The following KIAA2012 variants were observed in gnomAD, a reference collection of about 807,000 sequenced individuals.
KIAA2012 encodes the protein KIAA2012.
KIAA2012 carries 125 observed loss-of-function variants against 150.6 expected under a neutral mutation model. The observed-to-expected ratio is 0.83, with a 90% CI of 0.72 to 0.96. The LOEUF is 0.96. Ranked by LOEUF, KIAA2012 falls within the 40% of genes least tolerant of loss-of-function variation. KIAA2012 has a pLI of 0.00. For synonymous variants in KIAA2012, 462 were observed against 504.7 expected, an observed-to-expected ratio of 0.92 and a Z score of 1.13; for missense variants, 1,219 against 1,354.9, an observed-to-expected ratio of 0.90 and a Z score of 1.57.
At chr2:202,199,907 C>T (rs1692482267) in intron 22 of KIAA2012, among the ~76,000 whole-genome samples, 1 of 148,454 alleles carries the variant, frequency 6.7e-6, no homozygotes, top group Non-Finnish European at 1.5e-5. Context: ...CATCTTCCTC[C>T]TTGCCCCTCA....
Position 202,074,948 on chromosome 2 carries a change from A to G in KIAA2012, c.142A>G (p.Lys48Glu), listed in dbSNP as rs1188225567. 6.4e-7 allele frequency: 1 copy of G among 1,551,064 alleles called. No homozygotes were observed. The highest frequency in any genetic ancestry group is 8.7e-7 in the Non-Finnish European group (1 of 1,147,112). ...DYVPVSKPQDKNNASQHSWSL... is the reference protein window; with the variant it reads ...DYVPVSKPQDENNASQHSWSL... ...TGTTCCTGTCAGCAAACCTCAAGAT[A>G]AGAACAATGCCAGTCAGCACTCCTG... The change falls in exon 2 of 24, where the codon AAG becomes GAG. Residue 48 changes from lysine (K) to glutamate (E), a missense_variant. By Grantham distance (56) the Lys-to-Glu change is moderately conservative. Transcript: ENST00000498697.
intron 10 of KIAA2012, among the ~76,000 whole-genome samples, chr2:202,110,931 T>C (rs969578087): frequency 3.3e-5 from 5 of 152,188 alleles, no homozygotes; most frequent in African/African-American, 1.2e-4. Flanking sequence ...TTAAATCCCT[T>C]CCTTCCCCGC....
chr2:202,169,609 T>C (rs867649277), intron 15 of KIAA2012, among the ~76,000 whole-genome samples: 3 of 152,182 alleles, frequency 2.0e-5, no homozygotes, highest in East Asian at 1.9e-4. Flanking sequence ...CGTTTCATCA[T>C]AGTGCAGTCT....
chr2:202,203,492 G>T (rs1008435235), intron 23 of KIAA2012, among the ~76,000 whole-genome samples: 1 of 152,126 alleles, frequency 6.6e-6, no homozygotes, highest in Non-Finnish European at 1.5e-5. Context: ...GCACTGCTGA[G>T]TACACAGCAC....
At chr2:202,151,295 A>T (rs569342579) in intron 13 of KIAA2012, among the ~76,000 whole-genome samples, 12 of 152,242 alleles carry the variant, frequency 7.9e-5, no homozygotes, top group African/African-American at 2.9e-4. Flanking sequence ...TACTCGGTAG[A>T]CTAAAGGAGG....
chr2:202,076,890 C>A (rs1460476222), intron 2 of KIAA2012: 1 of 447,160 alleles, frequency 2.2e-6, no homozygotes, highest in Non-Finnish European at 4.5e-6. Context: ...TGACCACAGG[C>A]TATATACAAT....
intron 10 of KIAA2012, among the ~76,000 whole-genome samples, chr2:202,111,609 C>A (rs1690358871): frequency 1.3e-5 from 2 of 149,968 alleles, no homozygotes; most frequent in African/African-American, 4.9e-5. Flanking sequence ...TGGGTGTGTG[C>A]ATGTGTGTAA....
chr2:202,148,800 G>A lies in KIAA2012; in HGVS notation c.1909-5873G>A, dbSNP rs1691357206. Among the ~76,000 whole-genome samples the A allele has an allele frequency of 2.0e-5, 3 of 152,182 alleles. No homozygotes were observed. In the South Asian group the frequency reaches 6.2e-4, roughly 32 times the overall value. ...ACCTCAAAGTGAGGACTTTGGGGGTGGCCAGGGTGGTCGGCCTTGCCACAG... is the reference window on the plus strand; with the variant it reads ...ACCTCAAAGTGAGGACTTTGGGGGTAGCCAGGGTGGTCGGCCTTGCCACAG... On this transcript the variant is annotated intron_variant, in intron 13 of 23. Coordinates refer to ENST00000498697, the MANE Select transcript of KIAA2012 (RefSeq NM_001277372.4).
chr2:202,176,271 A>G (rs1691987916), intron 15 of KIAA2012, among the ~76,000 whole-genome samples: 1 of 151,274 alleles, frequency 6.6e-6, no homozygotes, highest in South Asian at 2.1e-4. Flanking sequence ...ATCTTGGCTC[A>G]CTGCAACCTC....
chr2:202,113,429 C>T lies in KIAA2012; in HGVS notation c.1745C>T (p.Ala582Val), dbSNP rs540927894. ...CTCCCAGGGCATACCCAAACCGAGGCGCTTCCATCGGGTAAAGGTAAGCTA... is the reference window on the plus strand; with the variant it reads ...CTCCCAGGGCATACCCAAACCGAGGTGCTTCCATCGGGTAAAGGTAAGCTA... Reference protein sequence around the residue: ...LSLPGHTQTEALPSGKAYESV... With the variant: ...LSLPGHTQTEVLPSGKAYESV... The change falls in exon 11 of 24, where the codon GCG becomes GTG. Residue 582 changes from alanine to valine, a missense_variant. Physicochemically the swap from Ala to Val is moderately conservative, Grantham distance 64. Coordinates refer to ENST00000498697, the MANE Select transcript of KIAA2012 (RefSeq NM_001277372.4). 10 of 1,549,568 alleles carry T rather than the reference C, an allele frequency of 6.5e-6. No individual in the cohort carries two copies. The highest frequency in any genetic ancestry group is 5.9e-5 in the Admixed American group (3 of 50,936).
At chr2:202,152,343 G>T (rs1326471098) in intron 13 of KIAA2012, among the ~76,000 whole-genome samples, 2 of 152,140 alleles carry the variant, frequency 1.3e-5, no homozygotes, top group Non-Finnish European at 2.9e-5. Context: ...TTTATCGAAA[G>T]ATTTATAGGT....
intron 14 of KIAA2012, among the ~76,000 whole-genome samples, chr2:202,160,313 C>CTTTTTTT (rs774846619): frequency 8.2e-6 from 1 of 122,218 alleles, no homozygotes; most frequent in African/African-American, 3.1e-5. Context: ...TTCATAAGGT[C>CTTTTTTT]TTTTTTTTTT....
Position 202,097,559 on chromosome 2 carries a change from A to G in KIAA2012, c.810A>G (p.Glu270=). ...CACGCAGGAAGCAGCCCTGGCAGGA[A>G]GATGAAACGCAGGCAGAGGTACCAT... is the stretch of plus-strand genomic sequence containing the variant. The part of the protein sequence containing the change: ...LPPRRKQPWQ[E]DETQAEDTSI... The change falls in exon 5 of 24, where the codon GAA becomes GAG. Residue 270 remains glutamate, a synonymous_variant. Transcript: ENST00000498697. 1 of 1,549,552 alleles carries G rather than the reference A, an allele frequency of 6.5e-7. No homozygotes were observed. The highest frequency in any genetic ancestry group is 8.7e-7 in the Non-Finnish European group (1 of 1,146,728).
intron 13 of KIAA2012, among the ~76,000 whole-genome samples, chr2:202,140,381 C>G (rs1298773000): frequency 6.6e-6 from 1 of 152,182 alleles, no homozygotes; most frequent in East Asian, 1.9e-4. Flanking sequence ...CCCTGAGAAG[C>G]CCATGCACCT....
intron 2 of KIAA2012, among the ~76,000 whole-genome samples, chr2:202,083,899 T>C (rs1190485222): frequency 6.6e-6 from 1 of 151,834 alleles, no homozygotes; most frequent in Non-Finnish European, 1.5e-5. Context: ...AGGCAGAGAG[T>C]GTGACTGCTT....
chr2:202,087,901 C>T (rs955616952), intron 2 of KIAA2012, among the ~76,000 whole-genome samples: 7 of 151,452 alleles, frequency 4.6e-5, no homozygotes, highest in South Asian at 2.1e-4. Flanking sequence ...TGAGATGCAA[C>T]GGAGTCTGGG....
chr2:202,096,651 C>G (rs1386359400), intron 4 of KIAA2012, among the ~76,000 whole-genome samples: 1 of 152,172 alleles, frequency 6.6e-6, no homozygotes, highest in East Asian at 1.9e-4. Context: ...CACACAGGCC[C>G]GAAGCCTTCC....
intron 13 of KIAA2012, among the ~76,000 whole-genome samples, chr2:202,142,262 C>T (rs980358871): frequency 6.6e-6 from 1 of 152,178 alleles, no homozygotes; most frequent in Non-Finnish European, 1.5e-5. Flanking sequence ...TCTGGTGGAA[C>T]ACAGTCTTGG....
At position 202,194,307 on chromosome 2, in the gene KIAA2012, G is replaced by T. The variant is rs1215028048; in HGVS notation, c.3132G>T (p.Arg1044=). ...CCCGGCAACAGCAAGAGGAGTTTCGGAGGAAACTGCGAGAACTACAGAGAA... is the reference window on the plus strand; with the variant it reads ...CCCGGCAACAGCAAGAGGAGTTTCGTAGGAAACTGCGAGAACTACAGAGAA... ...ERARQQQEEF[R]RKLRELQRKK... The change falls in exon 21 of 24, where the codon CGG becomes CGT. Residue 1044 remains arginine, a synonymous_variant. Transcript: ENST00000498697. 1 of 1,550,538 alleles carries T rather than the reference G, an allele frequency of 6.4e-7. No homozygotes were observed. The highest frequency in any genetic ancestry group is 1.4e-5 in the African/African-American group (1 of 73,134).
Sources: allele counts gnomAD v4.1 joint callset (sites outside exome capture counted in the v4.1 genomes callset), GRCh38; gene constraint gnomAD v4.1.1; transcripts MANE v1.5; gene names NCBI Gene and HGNC (gene_info 2026-07-23, HGNC 2026-07-21).